The following PRH1 variants were observed in gnomAD, a reference collection of about 807,000 sequenced individuals.
PRH1 encodes the protein proline rich protein HaeIII subfamily 1.
In PRH1, 7 loss-of-function variants were observed where a neutral mutation model predicts 7.9. The ratio of observed to expected loss-of-function variants is 0.89; its 90% CI spans 0.50 to 1.67. The LOEUF (loss-of-function observed/expected upper bound fraction) is 1.67, where lower values mean the gene tolerates loss of function less well. Ranked by LOEUF, PRH1 falls within the 40% of genes most tolerant of loss-of-function variation. The pLI is 0.00. For missense variants in PRH1, 109 were observed against 223.6 expected (o/e 0.49, Z 3.27); for synonymous variants, 45 against 80.8 (o/e 0.56, Z 2.38).
chr12:11,053,743 A>T (rs1565598467), intron 1 of PRH1, among the ~76,000 whole-genome samples: 1 of 152,234 alleles, frequency 6.6e-6, no homozygotes, highest in Non-Finnish European at 1.5e-5. Context: ...AATAATTGTG[A>T]TTCGAGTCTT....
intron 2 of PRH1, among the ~76,000 whole-genome samples, chr12:10,932,569 A>C: frequency 6.6e-6 from 1 of 152,222 alleles, no homozygotes; most frequent in Admixed American, 6.5e-5. Flanking sequence ...CAGCTTATGA[A>C]TGTAAGCAAA....
chr12:10,968,164 T>C (rs973529919), intron 2 of PRH1, among the ~76,000 whole-genome samples: 6 of 152,198 alleles, frequency 3.9e-5, no homozygotes, highest in African/African-American at 1.2e-4. Context: ...GATTGAAGAA[T>C]TGTATTTACG....
chr12:11,130,712 T>G (rs970904764), intron 1 of PRH1, among the ~76,000 whole-genome samples: 3 of 152,102 alleles, frequency 2.0e-5, no homozygotes, highest in African/African-American at 4.8e-5. Context: ...GTAAGACCAG[T>G]GTAAGACCAT....
At chr12:10,972,932 A>ACACCCCCCC (rs1938894305) in intron 2 of PRH1, among the ~76,000 whole-genome samples, 1 of 79,026 alleles carries the variant, frequency 1.3e-5, no homozygotes, top group Non-Finnish European at 2.6e-5. Context: ...ACCACAACCC[A>ACACCCCCCC]CCCCCCCCGC....
In PRH1 at chr12:11,090,307, G is replaced by A. The variant is rs545839054; in HGVS notation, n.124-43119C>T. On this transcript the variant is annotated intron_variant and non_coding_transcript_variant, in intron 1 of 4. Transcript: ENST00000541977. ...ACAATTTCTATACTATATTTACATT[G>A]ATTTTATTTTTCAAAAAGAGAGGAT... 1.3e-3 allele frequency among the ~76,000 whole-genome samples: 148 copies of A among 114,902 alleles called. 27 individuals are homozygous for A. The highest frequency in any genetic ancestry group is 4.1e-3 in the African/African-American group (142 of 34,520). The allele number at this position is 114,902 out of a possible 152,430, so 75.4% of individuals were successfully genotyped here.
At chr12:11,074,260 AT>A (rs1944204853) in intron 1 of PRH1, among the ~76,000 whole-genome samples, 1 of 22,658 alleles carries the variant, frequency 4.4e-5, no homozygotes, top group Non-Finnish European at 2.3e-4. Flanking sequence ...TTATTTGGAG[AT>A]TAGTTTTGGG....
At chr12:11,023,899 A>G (rs1055195206) in intron 1 of PRH1, among the ~76,000 whole-genome samples, 1 of 152,172 alleles carries the variant, frequency 6.6e-6, no homozygotes, top group Non-Finnish European at 1.5e-5. Context: ...GCAGAAAAAC[A>G]TAAGTGATGT....
intron 1 of PRH1, among the ~76,000 whole-genome samples, chr12:11,059,662 C>A (rs1159516374): frequency 6.6e-6 from 1 of 151,820 alleles, no homozygotes; most frequent in Non-Finnish European, 1.5e-5. Context: ...ACACCTGATA[C>A]AGTTGCATCA....
Position 10,882,699 on chromosome 12 carries a change from C to T in PRH1, c.101-1G>A, listed in dbSNP as rs1290232399. 6.3e-7 allele frequency: 1 copy of T among 1,586,542 alleles called. No homozygotes were observed. Among genetic ancestry groups the T allele is most frequent in the Non-Finnish European group, 8.6e-7 (1 of 1,167,468 alleles). On this transcript the variant is annotated splice_acceptor_variant, in intron 2 of 3. Coordinates refer to ENST00000543626, the MANE Select transcript of PRH1 (RefSeq NM_001393989.1). LOFTEE classifies it high-confidence loss of function. ...AGGAACTGCTCAGAGTCTCCTCCAT[C>T]TGTGTGAGTTGAAACAAGAAGAGCT... is the stretch of plus-strand genomic sequence containing the variant.
intron 2 of PRH1, among the ~76,000 whole-genome samples, chr12:10,902,522 A>G (rs1453609335): frequency 6.6e-6 from 1 of 152,124 alleles, no homozygotes; most frequent in Non-Finnish European, 1.5e-5. Flanking sequence ...TCAAGAGGAC[A>G]CCTGACTGAT....
chr12:11,164,756 GCTT>G (rs1482689157), intron 1 of PRH1, among the ~76,000 whole-genome samples: 11 of 151,632 alleles, frequency 7.3e-5, no homozygotes, highest in Non-Finnish European at 1.5e-4. Flanking sequence ...AAAAAAAAAT[GCTT>G]CTTTTTGTAA....
In PRH1 at chr12:11,153,739, A is replaced by C. The variant is rs184335979; in HGVS notation, n.39+17683T>G. On this transcript the variant is annotated intron_variant and non_coding_transcript_variant, in intron 1 of 1. Transcript: ENST00000541175. ...AGCAGGCCCCAAATGACAAGATACA[A>C]AATGTGATACAGGACAAAGTAAAAT... is the stretch of plus-strand genomic sequence containing the variant. Among the ~76,000 whole-genome samples, 815 of 152,334 alleles carry C rather than the reference A, an allele frequency of 5.4e-3. 8 individuals carry two copies. Among genetic ancestry groups the C allele is most frequent in the Admixed American group, 0.013 (197 of 15,308 alleles).
rs564358307 is a variant in PRH1 at position 10,959,335 on chromosome 12, A to C, written c.-59+14320T>G. Among the ~76,000 whole-genome samples the C allele has an allele frequency of 1.8e-3, 10 of 5,608 alleles. No homozygotes were observed. The South Asian group carries it at 0.36, about 200-fold the overall frequency. 3.7% of individuals were successfully genotyped at this position (5,608 alleles called of 152,430 possible). ...ATGAAGATGTCAAATAGTCTATTAG[A>C]GAAAGGATTCGGAGACCAGCGTTGA... is the stretch of plus-strand genomic sequence containing the variant. On this transcript the variant is annotated intron_variant, in intron 2 of 3. Coordinates refer to the PRH1 transcript ENST00000539853.
chr12:10,922,844 C>G (rs1283650464), intron 2 of PRH1, among the ~76,000 whole-genome samples: 2 of 33,444 alleles, frequency 6.0e-5, no homozygotes, highest in Non-Finnish European at 1.8e-4. Flanking sequence ...TTTTTTGAGA[C>G]GGAGTCTCGC....
chr12:10,960,665 T>G lies in PRH1; in HGVS notation c.-59+12990A>C, dbSNP rs139524879. Among the ~76,000 whole-genome samples, 712 of 152,346 alleles carry G rather than the reference T, an allele frequency of 4.7e-3. 6 individuals are homozygous for G. Among genetic ancestry groups the G allele is most frequent in the African/African-American group, 0.016 (686 of 41,582 alleles). ...TGCAAAACATCATGCTAACTCAATATATTAATAATATTACTTTAATTGGTA... is the reference window on the plus strand; with the variant it reads ...TGCAAAACATCATGCTAACTCAATAGATTAATAATATTACTTTAATTGGTA... On this transcript the variant is annotated intron_variant, in intron 2 of 3. Coordinates refer to the PRH1 transcript ENST00000539853.
Position 10,908,495 on chromosome 12 carries a change from C to A in PRH1, c.-58-24220G>T, listed in dbSNP as rs779686004. 6.2e-6 allele frequency: 10 copies of A among 1,613,828 alleles called. No individual in the cohort carries two copies. In the Admixed American group the frequency reaches 1.2e-4, roughly 19 times the overall value. On this transcript the variant is annotated intron_variant, in intron 2 of 3. Transcript: ENST00000539853. ...GGCTTGAAGGAGAGAAGACTCCAATCGTCTCACAAAGCATGTAGATCACTG... is the reference window on the plus strand; with the variant it reads ...GGCTTGAAGGAGAGAAGACTCCAATAGTCTCACAAAGCATGTAGATCACTG...
chr12:11,171,404 C>A, intron 1 of PRH1: 1 of 1,232,052 alleles, frequency 8.1e-7, no homozygotes, highest in Non-Finnish European at 1.0e-6. Context: ...GGGCCTCAAG[C>A]CCCGCCGCGA....
chr12:11,033,473 G>A (rs937515914), intron 1 of PRH1, among the ~76,000 whole-genome samples: 2 of 152,162 alleles, frequency 1.3e-5, no homozygotes, highest in African/African-American at 4.8e-5. Context: ...CTCCTGCAGA[G>A]AAACATAACT....
At chr12:11,040,127 T>C (rs1254689459) in intron 1 of PRH1, among the ~76,000 whole-genome samples, 4 of 152,244 alleles carry the variant, frequency 2.6e-5, no homozygotes, top group African/African-American at 9.6e-5. Context: ...CTGAAGAGTC[T>C]AGAGTTCTTT....
Sources: gnomAD v4.1 joint callset for allele counts (sites outside exome capture counted in the v4.1 genomes callset) on GRCh38, gnomAD v4.1.1 for gene constraint, MANE v1.5 for transcripts, NCBI Gene and HGNC (gene_info 2026-07-23, HGNC 2026-07-21) for gene names.